Variants in CNTN5 observed in about 807,000 individuals in gnomAD.
The protein encoded by CNTN5 is contactin 5.
Under a neutral mutation model 129.1 loss-of-function variants are expected in CNTN5, and 77 were observed. That is an observed-to-expected ratio of 0.60 (90% confidence interval 0.50 to 0.72). The LOEUF is 0.72. Among genes scored for constraint, CNTN5 ranks in the 30% least tolerant of loss-of-function variants. CNTN5 has a pLI of 0.00. For synonymous variants in CNTN5, 509 were observed against 465.6 expected, an observed-to-expected ratio of 1.09 and a Z score of -1.20; for missense variants, 1,478 against 1,328.8, an observed-to-expected ratio of 1.11 and a Z score of -1.75.
At chr11:99,052,115 ATATTG>A in intron 1 of CNTN5, among the ~76,000 whole-genome samples, 1 of 152,012 alleles carries the variant, frequency 6.6e-6, no homozygotes, top group Admixed American at 6.6e-5. Context: ...AAAGTGTATG[ATATTG>A]ACTGGGAGAT....
At chr11:99,170,111 T>A (rs1861072003) in intron 1 of CNTN5, among the ~76,000 whole-genome samples, 1 of 152,160 alleles carries the variant, frequency 6.6e-6, no homozygotes, top group Non-Finnish European at 1.5e-5. Context: ...GCATGTTATT[T>A]AATTTATCAA....
At chr11:99,598,939 G>A (rs1012418917) in intron 3 of CNTN5, among the ~76,000 whole-genome samples, 1 of 152,042 alleles carries the variant, frequency 6.6e-6, no homozygotes, top group Non-Finnish European at 1.5e-5. Context: ...TCAAAATTAT[G>A]CCTATGATAT....
intron 4 of CNTN5, among the ~76,000 whole-genome samples, chr11:99,839,748 G>T (rs747535299): frequency 3.3e-5 from 5 of 151,992 alleles, no homozygotes; most frequent in African/African-American, 4.8e-5. Flanking sequence ...TGATTAAAGA[G>T]TTGAAACTCT....
chr11:99,469,757 T>C (rs1945100646), intron 2 of CNTN5, among the ~76,000 whole-genome samples: 1 of 152,138 alleles, frequency 6.6e-6, no homozygotes, highest in Admixed American at 6.5e-5. Context: ...TTTTTTTGGC[T>C]TTTGATTTGG....
intron 18 of CNTN5, among the ~76,000 whole-genome samples, chr11:100,285,541 TC>T (rs1950762233): frequency 6.6e-6 from 1 of 152,236 alleles, no homozygotes; most frequent in African/African-American, 2.4e-5. Flanking sequence ...GTAGCCATTT[TC>T]TTTGGTTCTT....
At chr11:99,824,166 C>T (rs1468147429) in intron 4 of CNTN5, among the ~76,000 whole-genome samples, 1 of 151,908 alleles carries the variant, frequency 6.6e-6, no homozygotes, top group Non-Finnish European at 1.5e-5. Flanking sequence ...TTTAGGAGTG[C>T]AATTTTTATA....
intron 3 of CNTN5, among the ~76,000 whole-genome samples, chr11:99,749,964 T>C (rs1161337068): frequency 1.3e-5 from 2 of 152,188 alleles, no homozygotes; most frequent in African/African-American, 4.8e-5. Context: ...TTACTGCTTA[T>C]TGGGAGATGG....
intron 2 of CNTN5, among the ~76,000 whole-genome samples, chr11:99,330,271 A>G: frequency 6.6e-6 from 1 of 150,488 alleles, no homozygotes; most frequent in South Asian, 2.1e-4. Flanking sequence ...GAGACAGAGT[A>G]AGGGGGAAGA....
chr11:99,177,027 G>A (rs1857808907), intron 1 of CNTN5, among the ~76,000 whole-genome samples: 2 of 152,086 alleles, frequency 1.3e-5, no homozygotes, highest in African/African-American at 2.4e-5. Flanking sequence ...AATCAATCCA[G>A]GTCTTGAACA....
At chr11:99,437,566 G>T (rs1943648754) in intron 2 of CNTN5, among the ~76,000 whole-genome samples, 1 of 152,120 alleles carries the variant, frequency 6.6e-6, no homozygotes, top group Admixed American at 6.5e-5. Flanking sequence ...TGCGGCTCAT[G>T]CCTGTAATCC....
At chr11:99,743,631 G>A (rs142820332) in intron 3 of CNTN5, among the ~76,000 whole-genome samples, 3 of 152,278 alleles carry the variant, frequency 2.0e-5, no homozygotes, top group Non-Finnish European at 4.4e-5. Context: ...TAGACTCTCT[G>A]TAACTGTGGA....
chr11:100,106,855 A>G (rs1483597034), intron 13 of CNTN5, among the ~76,000 whole-genome samples: 1 of 152,128 alleles, frequency 6.6e-6, no homozygotes, highest in Non-Finnish European at 1.5e-5. Flanking sequence ...GTTGTTTCCA[A>G]TGAGACAAAA....
At chr11:99,023,270 C>G (rs1862966409) in intron 1 of CNTN5, among the ~76,000 whole-genome samples, 1 of 152,172 alleles carries the variant, frequency 6.6e-6, no homozygotes, top group Non-Finnish European at 1.5e-5. Context: ...TTACTTCAAT[C>G]TTATGTGTCC....
At chr11:99,853,503 G>A (rs570741665) in intron 6 of CNTN5, among the ~76,000 whole-genome samples, 3 of 152,062 alleles carry the variant, frequency 2.0e-5, no homozygotes, top group Non-Finnish European at 4.4e-5. Flanking sequence ...AGGTTCAAGC[G>A]ATTCTCCTGC....
chr11:99,268,388 A>C (rs987745099), intron 1 of CNTN5, among the ~76,000 whole-genome samples: 1 of 151,840 alleles, frequency 6.6e-6, no homozygotes. Context: ...ATTTTTAATA[A>C]AATTGAAAAT....
At chr11:99,156,638 A>G (rs115567513) in intron 1 of CNTN5, among the ~76,000 whole-genome samples, 2,247 of 152,124 alleles carry the variant, frequency 0.015, 63 homozygotes, top group African/African-American at 0.052. Context: ...ATTTCATCCT[A>G]TAATTTTTTT....
chr11:100,057,188 T>C (rs1224444260), intron 9 of CNTN5, among the ~76,000 whole-genome samples: 1 of 148,350 alleles, frequency 6.7e-6, no homozygotes, highest in Admixed American at 6.8e-5. Context: ...ATAGGAATTA[T>C]ATATAAAGTA....
chr11:99,918,089 A>C (rs1253940486), intron 7 of CNTN5, among the ~76,000 whole-genome samples: 1 of 152,026 alleles, frequency 6.6e-6, no homozygotes, highest in Non-Finnish European at 1.5e-5. Context: ...GAGTCCTTTC[A>C]TGTCATGGAA....
At chr11:100,230,586 G>C (rs1425943794) in intron 16 of CNTN5, among the ~76,000 whole-genome samples, 1 of 152,146 alleles carries the variant, frequency 6.6e-6, no homozygotes, top group Non-Finnish European at 1.5e-5. Context: ...AAAGCAGTTT[G>C]CATGCATGTA....
Sources: allele counts gnomAD v4.1 joint callset (sites outside exome capture counted in the v4.1 genomes callset), GRCh38; gene constraint gnomAD v4.1.1; transcripts MANE v1.5; gene names NCBI Gene and HGNC (gene_info 2026-07-23, HGNC 2026-07-21).